Variants in NR2F1-AS1 observed in about 807,000 individuals in gnomAD.
The protein encoded by NR2F1-AS1 is NR2F1 antisense RNA 1.
At chr5:93,452,235 G>A (rs1220076764) in intron 4 of NR2F1-AS1, among the ~76,000 whole-genome samples, 1 of 152,006 alleles carries the variant, frequency 6.6e-6, no homozygotes, top group Admixed American at 6.6e-5. Flanking sequence ...GTTTGACAAG[G>A]ACTTTCATTT....
chr5:93,473,977 T>C (rs1294804462), intron 4 of NR2F1-AS1, among the ~76,000 whole-genome samples: 2 of 152,042 alleles, frequency 1.3e-5, no homozygotes, highest in Non-Finnish European at 2.9e-5. Context: ...TTATAAATTA[T>C]AGAATTTAGA....
chr5:93,581,510 A>T (rs1244828175), upstream of NR2F1-AS1, among the ~76,000 whole-genome samples: 1 of 151,782 alleles, frequency 6.6e-6, no homozygotes, highest in Non-Finnish European at 1.5e-5. Flanking sequence ...CGGGGAGGGG[A>T]GGAGGGACTC....
At chr5:93,565,770 G>A (rs1752603751) in intron 1 of NR2F1-AS1, among the ~76,000 whole-genome samples, 1 of 151,398 alleles carries the variant, frequency 6.6e-6, no homozygotes, top group African/African-American at 2.4e-5. Flanking sequence ...CTCCTGCTGA[G>A]TTTAAAAGGT....
chr5:93,514,320 A>T lies in NR2F1-AS1; in HGVS notation n.638+39441T>A, dbSNP rs568673709. ...TCTTTGATAAACCTAAATCCAAATG[A>T]AAAAGGAAACATGAATATAAGCTAC... On this transcript the variant is annotated intron_variant and non_coding_transcript_variant, in intron 4 of 5. Transcript: ENST00000660523. 2.0e-5 allele frequency among the ~76,000 whole-genome samples: 3 copies of T among 152,278 alleles called. No individual in the cohort carries two copies. In the South Asian group the frequency reaches 6.2e-4, roughly 32 times the overall value.
At chr5:93,505,912 T>C (rs1436735862) in intron 4 of NR2F1-AS1, among the ~76,000 whole-genome samples, 1 of 152,226 alleles carries the variant, frequency 6.6e-6, no homozygotes, top group Non-Finnish European at 1.5e-5. Context: ...TTGCTACTTA[T>C]GCAAATTTCT....
intron 4 of NR2F1-AS1, among the ~76,000 whole-genome samples, chr5:93,459,479 A>G (rs1750042381): frequency 6.6e-6 from 1 of 152,206 alleles, no homozygotes. Context: ...GCTGGTAGAA[A>G]TGTGGCATAT....
intron 4 of NR2F1-AS1, among the ~76,000 whole-genome samples, chr5:93,418,393 C>T (rs1391298277): frequency 6.6e-6 from 1 of 152,018 alleles, no homozygotes; most frequent in Non-Finnish European, 1.5e-5. Context: ...TTGAAACCAT[C>T]CTGGACAACA....
chr5:93,579,663 C>T lies in NR2F1-AS1; in HGVS notation n.313+804G>A, dbSNP rs1019874885. 2.6e-5 allele frequency among the ~76,000 whole-genome samples: 4 copies of T among 151,734 alleles called. No individual in the cohort carries two copies. The highest frequency in any genetic ancestry group is 5.9e-5 in the Non-Finnish European group (4 of 67,924). On this transcript the variant is annotated intron_variant and non_coding_transcript_variant, in intron 1 of 5. Coordinates refer to ENST00000660523, the Ensembl canonical transcript of NR2F1-AS1. This position sits in a 1 kb window ranked among gnomAD's most constrained non-coding sequence, Gnocchi z 5.1. ...CCGCGCGCCCTCTGACGCAAACGCACGCCCCTGCCCCGCACGGAGGAAAGC... is the reference window on the plus strand; with the variant it reads ...CCGCGCGCCCTCTGACGCAAACGCATGCCCCTGCCCCGCACGGAGGAAAGC...
At chr5:93,463,772 A>G (rs929259053) in intron 4 of NR2F1-AS1, among the ~76,000 whole-genome samples, 8 of 152,348 alleles carry the variant, frequency 5.3e-5, no homozygotes, top group South Asian at 2.1e-4. Context: ...GCTGGATTTC[A>G]GACTTGCATG....
At chr5:93,481,898 G>C (rs1196476644) in intron 4 of NR2F1-AS1, among the ~76,000 whole-genome samples, 1 of 151,920 alleles carries the variant, frequency 6.6e-6, no homozygotes, top group Non-Finnish European at 1.5e-5. Flanking sequence ...TGTATAGGAG[G>C]CAGCAAAAGC....
At chr5:93,542,573 C>G (rs534853509) in intron 4 of NR2F1-AS1, 1 of 152,216 alleles carries the variant, frequency 6.6e-6, no homozygotes, top group South Asian at 2.1e-4. Context: ...ATTCCTCCTG[C>G]TAAAAACTGA....
chr5:93,498,409 A>G (rs1353131451), intron 4 of NR2F1-AS1, among the ~76,000 whole-genome samples: 1 of 152,118 alleles, frequency 6.6e-6, no homozygotes, highest in Non-Finnish European at 1.5e-5. Context: ...GAAACTTAAA[A>G]GTGGCCAATT....
chr5:93,509,411 G>A (rs1056928813), intron 4 of NR2F1-AS1, among the ~76,000 whole-genome samples: 3 of 152,090 alleles, frequency 2.0e-5, no homozygotes, highest in Non-Finnish European at 4.4e-5. Flanking sequence ...GAAACTGAAT[G>A]TGTTTTCTTT....
At chr5:93,414,626 G>T (rs181441742) in intron 4 of NR2F1-AS1, among the ~76,000 whole-genome samples, 2 of 152,256 alleles carry the variant, frequency 1.3e-5, no homozygotes, top group Admixed American at 6.5e-5. Context: ...TGTCATTTCT[G>T]TCTTGCCACT....
In NR2F1-AS1 at chr5:93,475,568, A is replaced by G. The variant is rs202172360; in HGVS notation, n.638+78193T>C. Among the ~76,000 whole-genome samples, 4 of 152,226 alleles carry G rather than the reference A, an allele frequency of 2.6e-5. No homozygotes were observed. In the East Asian group the frequency reaches 7.7e-4, roughly 29 times the overall value. On this transcript the variant is annotated intron_variant and non_coding_transcript_variant, in intron 4 of 5. Coordinates refer to ENST00000660523, the Ensembl canonical transcript of NR2F1-AS1. ...TGCTTTCATTAAGTTAAATGTACCT[A>G]TAGTAGGATGAACAAGTATCTTACT...
At chr5:93,549,747 C>G (rs780621826) in intron 4 of NR2F1-AS1, among the ~76,000 whole-genome samples, 24 of 151,950 alleles carry the variant, frequency 1.6e-4, no homozygotes, top group Non-Finnish European at 3.2e-4. Context: ...TAAAGAGCGC[C>G]CATTTTCACA....
intron 4 of NR2F1-AS1, chr5:93,543,485 T>A (rs1028515738): frequency 6.6e-6 from 1 of 152,174 alleles, no homozygotes; most frequent in African/African-American, 2.4e-5. Flanking sequence ...ATGTATTGCA[T>A]TTGCAGCAGA....
upstream of NR2F1-AS1, among the ~76,000 whole-genome samples, chr5:93,581,860 CT>C (rs1384639032): frequency 3.4e-4 from 22 of 64,750 alleles, no homozygotes; most frequent in Non-Finnish European, 6.9e-4. Context: ...TCTCCTCTCT[CT>C]CTCTCTCCTC....
intron 4 of NR2F1-AS1, among the ~76,000 whole-genome samples, chr5:93,551,114 A>G (rs1277975126): frequency 6.6e-6 from 1 of 152,138 alleles, no homozygotes; most frequent in Non-Finnish European, 1.5e-5. Flanking sequence ...TTGAATGACC[A>G]GAGTATATAA....
Sources: allele counts gnomAD v4.1 joint callset (sites outside exome capture counted in the v4.1 genomes callset), GRCh38; gene constraint gnomAD v4.1.1; non-coding constraint Gnocchi (gnomAD v3.1); transcripts MANE v1.5; gene names NCBI Gene and HGNC (gene_info 2026-07-23, HGNC 2026-07-21).